Variants in MSRA observed in about 807,000 individuals in gnomAD.
MSRA encodes methionine sulfoxide reductase A.
A neutral mutation model predicts 31.3 loss-of-function variants in MSRA; 54 were observed. The ratio of observed to expected loss-of-function variants is 1.73; its 90% confidence interval spans 1.39 to 2.17. The LOEUF (loss-of-function observed/expected upper bound fraction) is 2.17, where lower values mean the gene tolerates loss of function less well. Ranked by LOEUF, MSRA falls within the 30% of genes most tolerant of loss-of-function variation. MSRA has a pLI of 0.00. For synonymous variants in MSRA, 169 were observed against 116.5 expected, an observed-to-expected ratio of 1.45 and a Z score of -2.90; for missense variants, 507 against 300.9, an observed-to-expected ratio of 1.69 and a Z score of -5.07.
chr8:10,133,455 A>C (rs538462155), intron 1 of MSRA, among the ~76,000 whole-genome samples: 3 of 152,182 alleles, frequency 2.0e-5, no homozygotes, highest in Non-Finnish European at 1.5e-5. Context: ...GTGGGCACAA[A>C]TAAGGTCTTA....
intron 1 of MSRA, among the ~76,000 whole-genome samples, chr8:10,113,544 G>T (rs1160369): frequency 6.6e-6 from 1 of 151,020 alleles, no homozygotes; most frequent in African/African-American, 2.4e-5. Context: ...GAATGATGCT[G>T]TTGTTGACAG....
Position 10,165,810 on chromosome 8 carries a change from C to T in MSRA, c.143-42023C>T, listed in dbSNP as rs1337924797. Among the ~76,000 whole-genome samples the T allele has an allele frequency of 2.0e-5, 3 of 152,136 alleles. No individual in the cohort carries two copies. The East Asian group carries it at 5.8e-4, about 29-fold the overall frequency. ...GCAGCACGGGTGAAAAGCTTGCTGA[C>T]AAATAAATGCTTCCTATGTGTCAAA... On this transcript the variant is annotated intron_variant, in intron 1 of 5. Transcript: ENST00000317173.
chr8:10,157,773 G>T (rs1047233784), intron 1 of MSRA, among the ~76,000 whole-genome samples: 1 of 151,324 alleles, frequency 6.6e-6, no homozygotes, highest in Admixed American at 6.6e-5. Flanking sequence ...CTCTCTGCCC[G>T]CCCTCTTCTT....
intron 5 of MSRA, among the ~76,000 whole-genome samples, chr8:10,331,133 G>A (rs764351467): frequency 2.0e-5 from 3 of 152,230 alleles, no homozygotes; most frequent in Admixed American, 6.5e-5. Flanking sequence ...TACCTTGCCA[G>A]AACCTTGATC....
intron 1 of MSRA, among the ~76,000 whole-genome samples, chr8:10,066,125 C>G (rs1344725472): frequency 6.6e-6 from 1 of 151,982 alleles, no homozygotes; most frequent in African/African-American, 2.4e-5. Flanking sequence ...CGGATTCAAG[C>G]GATTCTCCAT....
At chr8:10,218,601 A>G (rs1810214302) in intron 2 of MSRA, among the ~76,000 whole-genome samples, 1 of 152,144 alleles carries the variant, frequency 6.6e-6, no homozygotes, top group African/African-American at 2.4e-5. Context: ...TATCAACTGT[A>G]TGGTTACTGT....
intron 3 of MSRA, among the ~76,000 whole-genome samples, chr8:10,298,785 G>T (rs765741415): frequency 3.9e-5 from 6 of 152,070 alleles, no homozygotes; most frequent in Non-Finnish European, 5.9e-5. Flanking sequence ...AGTATACCAC[G>T]TTTGTTTCCC....
intron 5 of MSRA, among the ~76,000 whole-genome samples, chr8:10,328,735 A>T (rs1281262346): frequency 4.6e-5 from 7 of 152,214 alleles, no homozygotes; most frequent in Non-Finnish European, 8.8e-5. Flanking sequence ...GTAGCCTATA[A>T]TTCTTAAAGT....
intron 1 of MSRA, among the ~76,000 whole-genome samples, chr8:10,054,959 G>A (rs576479370): frequency 2.3e-4 from 35 of 152,324 alleles, no homozygotes; most frequent in Admixed American, 4.6e-4. Context: ...CCAAGTTTTG[G>A]GCAGGAAATG....
chr8:10,335,133 G>C (rs1802952987), intron 5 of MSRA, among the ~76,000 whole-genome samples: 1 of 152,170 alleles, frequency 6.6e-6, no homozygotes, highest in Non-Finnish European at 1.5e-5. Context: ...GTCCAGAAAC[G>C]GTCAGGGTCA....
intron 1 of MSRA, among the ~76,000 whole-genome samples, chr8:10,170,124 G>A (rs547117468): frequency 2.0e-5 from 3 of 147,946 alleles, no homozygotes; most frequent in African/African-American, 7.5e-5. Context: ...GACCTCAGGT[G>A]ATCTGCCCAC....
Position 10,081,835 on chromosome 8 carries a change from G to A in MSRA, c.142+27177G>A, listed in dbSNP as rs184775043. Among the ~76,000 whole-genome samples the A allele has an allele frequency of 1.9e-3, 293 of 152,194 alleles. 2 individuals are homozygous for A. Among genetic ancestry groups the A allele is most frequent in the African/African-American group, 6.6e-3 (276 of 41,512 alleles). On this transcript the variant is annotated intron_variant, in intron 1 of 5. Transcript: ENST00000317173. ...TTGAGGGGGTACCCAGATTCGAAGC[G>A]GGGACCTCTTGATCTGCAGTCAAAT...
At chr8:10,423,096 C>T (rs937969524) in intron 5 of MSRA, among the ~76,000 whole-genome samples, 2 of 152,154 alleles carry the variant, frequency 1.3e-5, no homozygotes, top group Non-Finnish European at 1.5e-5. Context: ...GCAGTTGTCT[C>T]GGCAGTCACG....
intron 5 of MSRA, among the ~76,000 whole-genome samples, chr8:10,384,390 A>G (rs372609941): frequency 2.0e-5 from 3 of 152,242 alleles, no homozygotes; most frequent in Non-Finnish European, 4.4e-5. Flanking sequence ...ACCAGTGTCA[A>G]TAAAGCCCTG....
At chr8:10,228,519 C>G (rs1330646194) in intron 2 of MSRA, among the ~76,000 whole-genome samples, 4 of 152,098 alleles carry the variant, frequency 2.6e-5, no homozygotes, top group African/African-American at 2.4e-5. Flanking sequence ...TAATTTGATC[C>G]CACAGCACCA....
intron 1 of MSRA, among the ~76,000 whole-genome samples, chr8:10,194,984 G>C (rs1244154681): frequency 6.6e-6 from 1 of 152,214 alleles, no homozygotes; most frequent in African/African-American, 2.4e-5. Context: ...ATTATAGAAT[G>C]CAGTACTATT....
chr8:10,194,289 A>G (rs1807782052), intron 1 of MSRA, among the ~76,000 whole-genome samples: 1 of 152,200 alleles, frequency 6.6e-6, no homozygotes, highest in Non-Finnish European at 1.5e-5. Context: ...AATTAAGGCT[A>G]GCCTCCATGG....
intron 5 of MSRA, among the ~76,000 whole-genome samples, chr8:10,345,170 T>G (rs1803693076): frequency 6.6e-6 from 1 of 152,214 alleles, no homozygotes; most frequent in South Asian, 2.1e-4. Flanking sequence ...TGATGTTCCT[T>G]GGCTAAAACA....
chr8:10,221,337 C>G (rs1810473680), intron 2 of MSRA, among the ~76,000 whole-genome samples: 1 of 152,000 alleles, frequency 6.6e-6, no homozygotes, highest in African/African-American at 2.4e-5. Flanking sequence ...TTTAATCTAC[C>G]TTGCAATGAA....
Sources: gnomAD v4.1 joint callset for allele counts (sites outside exome capture counted in the v4.1 genomes callset) on GRCh38, gnomAD v4.1.1 for gene constraint, MANE v1.5 for transcripts, NCBI Gene and HGNC (gene_info 2026-07-23, HGNC 2026-07-21) for gene names.